The following PRSS12 variants were observed in gnomAD, a reference collection of about 807,000 sequenced individuals.
PRSS12 encodes the protein serine protease 12.
In PRSS12, 85 loss-of-function variants were observed where a neutral mutation model predicts 104.4. The observed-to-expected ratio is 0.81, with a 90% CI of 0.68 to 0.98. PRSS12 has a LOEUF of 0.98. PRSS12 is among the 50% of genes least tolerant of loss of function. The probability of loss-of-function intolerance (pLI) is 0.00; values close to 1 mark genes in which losing one functional copy is unlikely to be tolerated. For synonymous variants in PRSS12, 454 were observed against 425.2 expected (o/e 1.07, Z -0.83); for missense variants, 1,141 against 1,139.2 (o/e 1.00, Z -0.02).
Position 118,313,538 on chromosome 4 carries a change from C to T in PRSS12, c.1293-141G>A, listed in dbSNP as rs184638784. ...TGTTCTTTCTCCTACCTTGGGGACG[C>T]AGTTTAGAGCTATGTTCGCCCAGCC... On this transcript the variant is annotated intron_variant, in intron 6 of 12. Coordinates refer to ENST00000296498, the MANE Select transcript of PRSS12 (RefSeq NM_003619.4). 1,225 of 877,950 alleles carry T rather than the reference C, an allele frequency of 1.4e-3. 15 individuals carry two copies. The African/African-American group carries it at 0.018, about 13-fold the overall frequency. The allele number at this position is 877,950 out of a possible 1,614,324, so 54.4% of individuals were successfully genotyped here.
intron 4 of PRSS12, among the ~76,000 whole-genome samples, chr4:118,321,619 G>A (rs1201772973): frequency 2.0e-5 from 3 of 152,156 alleles, no homozygotes; most frequent in Admixed American, 6.5e-5. Flanking sequence ...CTTCTGGCAC[G>A]TTAAGGAATC....
chr4:118,323,666 T>G (rs1271887298), intron 4 of PRSS12, among the ~76,000 whole-genome samples: 3 of 151,586 alleles, frequency 2.0e-5, no homozygotes, highest in Non-Finnish European at 2.9e-5. Flanking sequence ...AAAGTTAAAT[T>G]CAACCACATA....
At chr4:118,334,148 A>C (rs553335549) in intron 3 of PRSS12, among the ~76,000 whole-genome samples, 7 of 152,274 alleles carry the variant, frequency 4.6e-5, no homozygotes, top group African/African-American at 1.7e-4. Flanking sequence ...ATTCTCATTT[A>C]ATCTACCACG....
At chr4:118,317,614 T>C (rs1723481557) in intron 5 of PRSS12, among the ~76,000 whole-genome samples, 1 of 152,222 alleles carries the variant, frequency 6.6e-6, no homozygotes, top group African/African-American at 2.4e-5. Flanking sequence ...AATACATTTC[T>C]ATGGTGTATT....
Position 118,352,223 on chromosome 4 carries a change from T to C in PRSS12, c.498A>G (p.Arg166=). Residue 166 remains arginine, a synonymous_variant, in exon 1 of 13, where the codon AGA becomes AGG. Transcript: ENST00000296498. The part of the protein sequence containing the change: ...GKVDWGYCDC[R]HGSVRLRGGK... ...GGCCGCCCCGAGGCCACTAACCGTG[T>C]CTGCAGTCGCAGTAGCCCCAGTCCA... 1 of 1,611,940 alleles carries C rather than the reference T, an allele frequency of 6.2e-7. No homozygotes were observed.
rs966365208 is a variant in PRSS12 at position 118,352,985 on chromosome 4, G to A, written c.-265C>T. On this transcript the variant is annotated 5_prime_UTR_variant, in exon 1 of 13. Coordinates refer to ENST00000296498, the MANE Select transcript of PRSS12 (RefSeq NM_003619.4). ...CCGGCCGGCGGAGAGGACCGGAAAA[G>A]AGAAGGCGCGGACGCAGCGGGGAGC... 8.3e-6 allele frequency: 7 copies of A among 840,546 alleles called. No homozygotes were observed. The highest frequency in any genetic ancestry group is 1.8e-5 in the African/African-American group (1 of 54,116). 52.1% of individuals were successfully genotyped at this position (840,546 alleles called of 1,614,324 possible). A position where few individuals can be genotyped will look rare whatever the true frequency, so the allele number is the denominator to read the frequency against.
In PRSS12 at chr4:118,291,856, T is replaced by G. The variant is rs560675602; in HGVS notation, c.2039+3083A>C. On this transcript the variant is annotated intron_variant, in intron 11 of 12. Coordinates refer to ENST00000296498, the MANE Select transcript of PRSS12 (RefSeq NM_003619.4). ...CGCTAAAACCAGTGAGTTTTTCACT[T>G]GTGCTGTATTTCAGCCAAATTTCCT... 2.0e-5 allele frequency among the ~76,000 whole-genome samples: 3 copies of G among 152,282 alleles called. No individual in the cohort carries two copies. The South Asian group carries it at 6.2e-4, about 32-fold the overall frequency.
At chr4:118,299,789 T>C (rs1358895160) in intron 8 of PRSS12, among the ~76,000 whole-genome samples, 1 of 90,336 alleles carries the variant, frequency 1.1e-5, no homozygotes, top group Non-Finnish European at 2.5e-5. Flanking sequence ...TAAAATAAAA[T>C]AAAATAAATA....
At position 118,280,884 on chromosome 4, in the gene PRSS12, A is replaced by C. The variant is rs577128477; in HGVS notation, c.*1052T>G. The C allele has an allele frequency of 1.3e-5, 2 of 152,390 alleles. No individual in the cohort carries two copies. The highest frequency in any genetic ancestry group is 3.9e-4 in the East Asian group (2 of 5,194). 9.4% of individuals were successfully genotyped at this position (152,390 alleles called of 1,614,324 possible). On this transcript the variant is annotated 3_prime_UTR_variant, in exon 13 of 13. Coordinates refer to ENST00000296498, the MANE Select transcript of PRSS12 (RefSeq NM_003619.4). ...AGCCTGTTTTCCCCCATTTGAAAAC[A>C]AGGGCTACTACCATAAGATTTACTG...
intron 1 of PRSS12, among the ~76,000 whole-genome samples, chr4:118,342,423 T>C (rs1308765269): frequency 6.6e-6 from 1 of 152,234 alleles, no homozygotes; most frequent in Non-Finnish European, 1.5e-5. Context: ...CTTGTGTCCC[T>C]GGACCACACC....
At position 118,282,088 on chromosome 4, in the gene PRSS12, C is replaced by T. The variant is rs189873467; in HGVS notation, c.2476G>A (p.Gly826Arg). Residue 826 changes from glycine to arginine, a missense_variant, in exon 13 of 13, where the codon GGA becomes AGA. By Grantham distance (125) the Gly-to-Arg change is moderately radical. Coordinates refer to ENST00000296498, the MANE Select transcript of PRSS12 (RefSeq NM_003619.4). ...KRVDSCQGDS[G>R]GPLMCERPGE... ...GGCCGTTCACACATGAGTGGTCCTC[C>T]GCTGTCTCCCTGGCAGCTGTCCACG... 7.3e-5 allele frequency: 118 copies of T among 1,614,188 alleles called. No individual in the cohort carries two copies. The East Asian group carries it at 2.1e-3, about 29-fold the overall frequency.
intron 4 of PRSS12, among the ~76,000 whole-genome samples, chr4:118,320,850 G>A (rs533907864): frequency 1.8e-4 from 27 of 152,166 alleles, no homozygotes; most frequent in Non-Finnish European, 3.1e-4. Context: ...TTCAAAGAGT[G>A]TGCCAAACTC....
At chr4:118,317,479 C>T (rs115301653) in intron 5 of PRSS12, among the ~76,000 whole-genome samples, 317 of 152,206 alleles carry the variant, frequency 2.1e-3, no homozygotes, top group Admixed American at 4.2e-3. Context: ...TTACTGTCTG[C>T]AAAGCATTAT....
chr4:118,290,006 A>G lies in PRSS12; in HGVS notation c.2039+4933T>C, dbSNP rs114056298. ...CAGTTTGAAAATATCATCATCCTCT[A>G]AAAAGCCCAACATTCTTAAATAATT... On this transcript the variant is annotated intron_variant, in intron 11 of 12. Transcript: ENST00000296498. Among the ~76,000 whole-genome samples, 803 of 152,302 alleles carry G rather than the reference A, an allele frequency of 5.3e-3. 14 individuals carry two copies. The highest frequency in any genetic ancestry group is 0.018 in the African/African-American group (760 of 41,562).
At chr4:118,350,732 A>T (rs1017073384) in intron 1 of PRSS12, among the ~76,000 whole-genome samples, 2 of 41,308 alleles carry the variant, frequency 4.8e-5, no homozygotes, top group African/African-American at 7.3e-5. Context: ...CTGAAACATA[A>T]GGCTGAGTTA....
At chr4:118,297,869 G>A (rs1031869725) in intron 9 of PRSS12, among the ~76,000 whole-genome samples, 2 of 152,094 alleles carry the variant, frequency 1.3e-5, no homozygotes, top group Non-Finnish European at 1.5e-5. Flanking sequence ...CAGGTGTGGT[G>A]GCTCACGCCT....
At chr4:118,293,073 T>C (rs1743166588) in intron 11 of PRSS12, among the ~76,000 whole-genome samples, 1 of 151,422 alleles carries the variant, frequency 6.6e-6, no homozygotes, top group Non-Finnish European at 1.5e-5. Flanking sequence ...CTGCAGCACC[T>C]TGAATGTGGA....
Position 118,352,836 on chromosome 4 carries a change from G to T in PRSS12, c.-116C>A. ...CCCTCGAATCCCCCAGCCCCCTCCCGCCCCCGCACGCGGACCGCCCTCGCC... is the reference window on the plus strand; with the variant it reads ...CCCTCGAATCCCCCAGCCCCCTCCCTCCCCCGCACGCGGACCGCCCTCGCC... On this transcript the variant is annotated 5_prime_UTR_variant, in exon 1 of 13. Transcript: ENST00000296498. The T allele has an allele frequency of 7.2e-7, 1 of 1,381,106 alleles. No individual in the cohort carries two copies. The allele number at this position is 1,381,106 out of a possible 1,614,324, so 85.6% of individuals were successfully genotyped here.
intron 4 of PRSS12, among the ~76,000 whole-genome samples, chr4:118,322,252 TA>T (rs947833194): frequency 1.3e-5 from 2 of 152,148 alleles, no homozygotes; most frequent in African/African-American, 4.8e-5. Flanking sequence ...AACATGTTCA[TA>T]AAACACTTAC....
Sources: gnomAD v4.1 joint callset for allele counts (sites outside exome capture counted in the v4.1 genomes callset) on GRCh38, gnomAD v4.1.1 for gene constraint, MANE v1.5 for transcripts, NCBI Gene and HGNC (gene_info 2026-07-23, HGNC 2026-07-21) for gene names.